The following PCDHGB3 variants were observed in gnomAD, a reference collection of about 807,000 sequenced individuals.
PCDHGB3 encodes protocadherin gamma subfamily B, 3, also known as protocadherin gamma-B3.
In PCDHGB3, 40 loss-of-function variants were observed where a neutral mutation model predicts 59.2. That is an observed-to-expected ratio of 0.68 (90% CI 0.52 to 0.88). The LOEUF (loss-of-function observed/expected upper bound fraction) is 0.88, where lower values mean the gene tolerates loss of function less well. PCDHGB3 is among the 40% of genes least tolerant of loss of function. PCDHGB3 has a pLI of 0.00. For missense variants in PCDHGB3, 1,309 were observed against 1,187.9 expected (o/e 1.10, Z -1.50); for synonymous variants, 581 against 503.6 (o/e 1.15, Z -2.06).
chr5:141,398,692 AG>A, intron 1 of PCDHGB3: 1 of 1,613,942 alleles, frequency 6.2e-7, no homozygotes, highest in Non-Finnish European at 8.5e-7. Context: ...ACAGGATGGT[AG>A]TAAATACCCG....
At chr5:141,389,412 G>C (rs1039259671) in intron 1 of PCDHGB3, 21 of 1,613,470 alleles carry the variant, frequency 1.3e-5, no homozygotes, top group Non-Finnish European at 1.3e-5. Flanking sequence ...CGCGGAGAGC[G>C]GGGTGGTGTT....
At chr5:141,373,954 T>C (rs1439763136) in intron 1 of PCDHGB3, 3 of 850,698 alleles carry the variant, frequency 3.5e-6, no homozygotes, top group East Asian at 5.9e-5. Context: ...GCAGAAATTC[T>C]GACCTGAAAC....
chr5:141,388,032 C>T (rs747852798), intron 1 of PCDHGB3: 3 of 1,431,396 alleles, frequency 2.1e-6, no homozygotes, highest in Non-Finnish European at 1.9e-6. Flanking sequence ...AGTGGGGAAC[C>T]TCGCCACGGA....
At chr5:141,383,916 T>C (rs1368497890) in intron 1 of PCDHGB3, 1 of 1,613,968 alleles carries the variant, frequency 6.2e-7, no homozygotes, top group Non-Finnish European at 8.5e-7. Flanking sequence ...CAGTTTTAGA[T>C]GTAAATGATA....
At chr5:141,414,460 A>G in intron 1 of PCDHGB3, 1 of 1,613,922 alleles carries the variant, frequency 6.2e-7, no homozygotes, top group Non-Finnish European at 8.5e-7. Context: ...AGTGACAGCC[A>G]CAGATGGGGG....
In PCDHGB3 at chr5:141,483,413, G is replaced by A. The variant is rs112015754; in HGVS notation, c.2416-11394G>A. 5.9e-4 allele frequency among the ~76,000 whole-genome samples: 90 copies of A among 152,300 alleles called. 1 individual carries two copies. Among genetic ancestry groups the A allele is most frequent in the African/African-American group, 1.7e-3 (69 of 41,584 alleles). ...AAATGCTTGAACCAGCACAGTGGCA[G>A]TACAGATGGAGGGAGCTGACTACAA... On this transcript the variant is annotated intron_variant, in intron 1 of 3. Transcript: ENST00000576222.
chr5:141,446,821 T>C lies in PCDHGB3; in HGVS notation c.2416-47986T>C, dbSNP rs183143971. ...CATTGTGATCATCTAGTCAGATGGG[T>C]AGATCCTTATAAGGCTGAGCATAAT... On this transcript the variant is annotated intron_variant, in intron 1 of 3. Coordinates refer to ENST00000576222, the MANE Select transcript of PCDHGB3 (RefSeq NM_018924.5). 1.6e-3 allele frequency among the ~76,000 whole-genome samples: 244 copies of C among 152,302 alleles called. 2 individuals carry two copies. The highest frequency in any genetic ancestry group is 5.4e-3 in the African/African-American group (223 of 41,572).
chr5:141,454,762 G>C (rs889314181), intron 1 of PCDHGB3, among the ~76,000 whole-genome samples: 4 of 115,056 alleles, frequency 3.5e-5, no homozygotes, highest in African/African-American at 6.6e-5. Context: ...ATCTTGACAT[G>C]TTTTTTACAA....
chr5:141,415,907 T>C, intron 1 of PCDHGB3: 1 of 779,592 alleles, frequency 1.3e-6, no homozygotes. Context: ...CAGACTTCCA[T>C]ACAGAAGTGC....
chr5:141,401,235 A>G (rs1444346000), intron 1 of PCDHGB3, among the ~76,000 whole-genome samples: 1 of 152,120 alleles, frequency 6.6e-6, no homozygotes, highest in East Asian at 1.9e-4. Context: ...CCAGCTACTC[A>G]GGAGGCTAAG....
At chr5:141,399,470 TC>T in intron 1 of PCDHGB3, 1 of 1,614,018 alleles carries the variant, frequency 6.2e-7, no homozygotes, top group South Asian at 1.1e-5. Context: ...GCTCCGGTTT[TC>T]CACCAGGCGT....
chr5:141,492,873 C>G (rs2099744714), intron 1 of PCDHGB3, among the ~76,000 whole-genome samples: 1 of 152,182 alleles, frequency 6.6e-6, no homozygotes, highest in Non-Finnish European at 1.5e-5. Context: ...CTCTCAACCC[C>G]CAGAGATACA....
chr5:141,409,938 C>T (rs754052398), intron 1 of PCDHGB3: 114 of 1,613,200 alleles, frequency 7.1e-5, no homozygotes, highest in Admixed American at 4.3e-4. Flanking sequence ...GATATGGTAC[C>T]TCGCTCTGCA....
At chr5:141,439,500 TTCTC>T (rs1399113868) in intron 1 of PCDHGB3, among the ~76,000 whole-genome samples, 9 of 152,246 alleles carry the variant, frequency 5.9e-5, no homozygotes, top group Admixed American at 2.0e-4. Context: ...AGAAACGTCT[TTCTC>T]TCTGCTCTCA....
chr5:141,415,577 C>T (rs776744277), intron 1 of PCDHGB3: 3 of 1,613,744 alleles, frequency 1.9e-6, no homozygotes, highest in East Asian at 4.5e-5. Context: ...TTAGATGATT[C>T]GAAGTTTCCT....
intron 3 of PCDHGB3, among the ~76,000 whole-genome samples, chr5:141,509,089 G>C (rs1366018197): frequency 6.6e-6 from 1 of 152,158 alleles, no homozygotes; most frequent in Non-Finnish European, 1.5e-5. Context: ...ACATGAAATG[G>C]GGGCTGTAGA....
intron 1 of PCDHGB3, chr5:141,392,972 G>T: frequency 6.2e-7 from 1 of 1,613,920 alleles, no homozygotes. Context: ...AGGACCTGGG[G>T]CTGGACCCCC....
At chr5:141,386,634 G>A (rs1351043708) in intron 1 of PCDHGB3, among the ~76,000 whole-genome samples, 2 of 151,884 alleles carry the variant, frequency 1.3e-5, no homozygotes, top group Non-Finnish European at 2.9e-5. Context: ...CTGTCACCCA[G>A]GCTGGATACA....
At chr5:141,403,319 G>A (rs776881134) in intron 1 of PCDHGB3, 2 of 1,613,954 alleles carry the variant, frequency 1.2e-6, no homozygotes, top group East Asian at 2.2e-5. Flanking sequence ...AGAAATAGAA[G>A]TAACTGATAT....
Sources: allele counts gnomAD v4.1 joint callset (sites outside exome capture counted in the v4.1 genomes callset), GRCh38; gene constraint gnomAD v4.1.1; transcripts MANE v1.5; gene names NCBI Gene and HGNC (gene_info 2026-07-23, HGNC 2026-07-21).